SRPK1: variants seen among roughly 807,000 people sequenced by gnomAD.
SRPK1 encodes SFRS protein kinase 1.
Under a neutral mutation model 89.5 loss-of-function variants are expected in SRPK1, and 52 were observed. The ratio of observed to expected loss-of-function variants is 0.58; its 90% CI spans 0.46 to 0.73. The LOEUF (loss-of-function observed/expected upper bound fraction) is 0.73, where lower values mean the gene tolerates loss of function less well. Among genes scored for constraint, SRPK1 ranks in the 30% least tolerant of loss-of-function variants. The pLI is 0.00. For missense variants in SRPK1, 603 were observed against 780.6 expected (o/e 0.77, Z 2.71); for synonymous variants, 255 against 270.2 (o/e 0.94, Z 0.55).
At chr6:35,909,412 T>C (rs1245100118) in intron 2 of SRPK1, among the ~76,000 whole-genome samples, 1 of 152,234 alleles carries the variant, frequency 6.6e-6, no homozygotes, top group Non-Finnish European at 1.5e-5. Flanking sequence ...CATTGTATCT[T>C]GGAAGTAACT....
intron 2 of SRPK1, among the ~76,000 whole-genome samples, chr6:35,915,300 G>A (rs1005513912): frequency 1.1e-4 from 16 of 151,400 alleles, no homozygotes; most frequent in African/African-American, 3.4e-4. Context: ...CCGGCTACTC[G>A]GGAGGCTGAG....
Position 35,869,475 on chromosome 6 carries a change from T to C in SRPK1, c.1411+7A>G. 2 of 1,611,002 alleles carry C rather than the reference T, an allele frequency of 1.2e-6. No homozygotes were observed. The highest frequency in any genetic ancestry group is 1.7e-6 in the Non-Finnish European group (2 of 1,177,520). On this transcript the variant is annotated splice_region_variant and intron_variant, in intron 11 of 15. Coordinates refer to ENST00000373825, the MANE Select transcript of SRPK1 (RefSeq NM_003137.5). ...GGAGTGTTGAGGAAGTATAGCTGCA[T>C]AGGTACCTTTGTTGTCCAGTGGTCC...
intron 6 of SRPK1, among the ~76,000 whole-genome samples, 151 bp from the exon 7 acceptor site, chr6:35,874,490 T>C (rs1459973836): frequency 6.6e-6 from 1 of 152,230 alleles, no homozygotes; most frequent in East Asian, 1.9e-4. Flanking sequence ...CTGTTAATAT[T>C]CTAAAATTTC....
chr6:35,886,934 A>G (rs905898388), intron 5 of SRPK1, 123 bp from the exon 6 acceptor site: 5 of 602,888 alleles, frequency 8.3e-6, no homozygotes, highest in African/African-American at 1.9e-5. Flanking sequence ...TATTTTTAAA[A>G]TATACTAAAA....
At chr6:35,851,995 T>C (rs1370219078) in intron 13 of SRPK1, among the ~76,000 whole-genome samples, 2 of 152,248 alleles carry the variant, frequency 1.3e-5, no homozygotes, top group African/African-American at 4.8e-5. Flanking sequence ...AACTGACATG[T>C]ACAAGCTATG....
chr6:35,892,123 C>T (rs1770530021), intron 2 of SRPK1, among the ~76,000 whole-genome samples: 1 of 152,208 alleles, frequency 6.6e-6, no homozygotes, highest in African/African-American at 2.4e-5. Context: ...CCACCAGCCA[C>T]ACATGGGCTT....
intron 13 of SRPK1, among the ~76,000 whole-genome samples, chr6:35,847,889 G>A (rs968282916): frequency 1.3e-5 from 2 of 151,742 alleles, no homozygotes; most frequent in Non-Finnish European, 2.9e-5. Flanking sequence ...CTGTAGTGGT[G>A]TAATCTCGGC....
At chr6:35,864,596 G>A (rs1769854518) in intron 12 of SRPK1, among the ~76,000 whole-genome samples, 1 of 152,190 alleles carries the variant, frequency 6.6e-6, no homozygotes. Context: ...ACTGATGATA[G>A]GAATATAAAC....
At chr6:35,845,303 T>A (rs1267250675) in intron 13 of SRPK1, among the ~76,000 whole-genome samples, 3 of 152,224 alleles carry the variant, frequency 2.0e-5, no homozygotes, top group Non-Finnish European at 4.4e-5. Flanking sequence ...TTGTAACAAA[T>A]GTATCACTCT....
intron 13 of SRPK1, among the ~76,000 whole-genome samples, chr6:35,850,020 G>A (rs1352609722): frequency 6.6e-6 from 1 of 152,096 alleles, no homozygotes; most frequent in Non-Finnish European, 1.5e-5. Flanking sequence ...TTAACTCATA[G>A]AAGCAGAGAG....
chr6:35,838,257 A>G (rs1190687122), intron 15 of SRPK1, 80 bp downstream of exon 15: 5 of 935,372 alleles, frequency 5.3e-6, no homozygotes, highest in Non-Finnish European at 7.7e-6. Flanking sequence ...ATCATTCTGT[A>G]GGACATTGGG....
intron 2 of SRPK1, among the ~76,000 whole-genome samples, chr6:35,899,031 C>T (rs1222368290): frequency 6.6e-6 from 1 of 151,988 alleles, no homozygotes; most frequent in Non-Finnish European, 1.5e-5. Flanking sequence ...CATGGTGGCG[C>T]GTGCCTGTAG....
intron 13 of SRPK1, among the ~76,000 whole-genome samples, chr6:35,856,443 G>A (rs1257869466): frequency 6.6e-6 from 1 of 152,178 alleles, no homozygotes; most frequent in South Asian, 2.1e-4. Flanking sequence ...TGTGGATCCT[G>A]AGGCTTGTGG....
At chr6:35,849,496 T>G (rs1189602866) in intron 13 of SRPK1, among the ~76,000 whole-genome samples, 4 of 152,176 alleles carry the variant, frequency 2.6e-5, no homozygotes, top group African/African-American at 7.2e-5. Context: ...GATATTTACC[T>G]CAAAGATTTA....
chr6:35,846,395 A>T (rs1052974513), intron 13 of SRPK1, among the ~76,000 whole-genome samples: 1 of 152,142 alleles, frequency 6.6e-6, no homozygotes, highest in Admixed American at 6.6e-5. Flanking sequence ...GTTCGAGACC[A>T]GCCTGGGCAA....
At chr6:35,909,354 C>A (rs148763128) in intron 2 of SRPK1, among the ~76,000 whole-genome samples, 1,858 of 152,334 alleles carry the variant, frequency 0.012, 35 homozygotes, top group African/African-American at 0.043. Context: ...TTGTTTTGGA[C>A]AATTTCTCCC....
chr6:35,915,118 G>C (rs1771059119), intron 2 of SRPK1, among the ~76,000 whole-genome samples: 1 of 152,170 alleles, frequency 6.6e-6, no homozygotes, highest in Non-Finnish European at 1.5e-5. Context: ...TCTTGCTGGA[G>C]GAAGGCCGGG....
rs1279591467 is a variant in SRPK1, at chr6:35,874,340, C to T, written c.479-1G>A. 10 of 1,608,390 alleles carry T rather than the reference C, an allele frequency of 6.2e-6. No homozygotes were observed. Among genetic ancestry groups the T allele is most frequent in the Non-Finnish European group, 8.5e-6 (10 of 1,176,296 alleles). On this transcript the variant is annotated splice_acceptor_variant, in intron 6 of 15. Transcript: ENST00000373825. LOFTEE classifies it high-confidence loss of function. ...AAAACTTCAAATACCATGCAGATATCTAGGAATTCATTAAGGAGGGAAAAA... is the reference window on the plus strand; with the variant it reads ...AAAACTTCAAATACCATGCAGATATTTAGGAATTCATTAAGGAGGGAAAAA...
intron 13 of SRPK1, among the ~76,000 whole-genome samples, chr6:35,852,650 T>TTCGGGCAGCTCAGA (rs1339352838): frequency 1.3e-5 from 2 of 152,204 alleles, no homozygotes; most frequent in Non-Finnish European, 2.9e-5. Flanking sequence ...TGCCGTTTCA[T>TTCGGGCAGCTCAGA]TCGGGCAGCT....
Sources: gnomAD v4.1 joint callset for allele counts (sites outside exome capture counted in the v4.1 genomes callset) on GRCh38, gnomAD v4.1.1 for gene constraint, MANE v1.5 for transcripts, NCBI Gene and HGNC (gene_info 2026-07-23, HGNC 2026-07-21) for gene names.